The following UNC5D variants were observed in gnomAD, a reference collection of about 807,000 sequenced individuals.
UNC5D encodes the protein unc-5 netrin receptor D, also known as netrin receptor UNC5D.
A neutral mutation model predicts 105.4 loss-of-function variants in UNC5D; 39 were observed. The observed-to-expected ratio is 0.37, with a 90% CI of 0.29 to 0.48. The LOEUF (loss-of-function observed/expected upper bound fraction) is 0.48. Among genes scored for constraint, UNC5D ranks in the 20% least tolerant of loss-of-function variants. UNC5D has a pLI of 0.98. For synonymous variants in UNC5D, 452 were observed against 450.4 expected, an observed-to-expected ratio of 1.00 and a Z score of -0.04; for missense variants, 991 against 1,202.4, an observed-to-expected ratio of 0.82 and a Z score of 2.60.
intron 8 of UNC5D, among the ~76,000 whole-genome samples, chr8:35,717,542 C>T (rs551288294): frequency 5.3e-5 from 8 of 152,280 alleles, no homozygotes; most frequent in Admixed American, 1.3e-4. Context: ...TTTAGTCCTT[C>T]TCCCCAGCTT....
rs535274067 is a variant in UNC5D, at chr8:35,297,861, A to T, written c.103+61974A>T. Among the ~76,000 whole-genome samples the T allele has an allele frequency of 1.9e-4, 29 of 152,146 alleles. No individual in the cohort carries two copies. The South Asian group carries it at 6.0e-3, about 32-fold the overall frequency. On this transcript the variant is annotated intron_variant, in intron 1 of 16. Coordinates refer to ENST00000404895, the MANE Select transcript of UNC5D (RefSeq NM_080872.4). Reference sequence around the variant, plus strand: ...TTAAAAATACTAAAACCGCAAACTCACTAATTTGACAGCATTCCACGACTT... The same window carrying T: ...TTAAAAATACTAAAACCGCAAACTCTCTAATTTGACAGCATTCCACGACTT...
At chr8:35,606,134 C>T (rs1820276718) in intron 4 of UNC5D, among the ~76,000 whole-genome samples, 1 of 151,824 alleles carries the variant, frequency 6.6e-6, no homozygotes, top group Admixed American at 6.6e-5. Flanking sequence ...ATTACAGGCA[C>T]CCACCACCAT....
intron 4 of UNC5D, among the ~76,000 whole-genome samples, chr8:35,627,971 T>C (rs1821790995): frequency 6.6e-6 from 1 of 152,118 alleles, no homozygotes; most frequent in African/African-American, 2.4e-5. Flanking sequence ...CTAATGGGTT[T>C]AGATTTTTTT....
chr8:35,369,783 C>T (rs1258205232), intron 1 of UNC5D, among the ~76,000 whole-genome samples: 1 of 152,148 alleles, frequency 6.6e-6, no homozygotes, highest in East Asian at 1.9e-4. Flanking sequence ...AAAGAGCAGA[C>T]CTATGTCTCC....
chr8:35,683,795 TTAA>T, intron 5 of UNC5D, 68 bp downstream of exon 5: 1 of 1,378,360 alleles, frequency 7.3e-7, no homozygotes, highest in Non-Finnish European at 9.4e-7. Flanking sequence ...GTGTGTTTTA[TTAA>T]AACTTTCAAT....
chr8:35,398,737 A>G (rs968839524), intron 1 of UNC5D, among the ~76,000 whole-genome samples: 1 of 152,178 alleles, frequency 6.6e-6, no homozygotes, highest in African/African-American at 2.4e-5. Flanking sequence ...TACCTCTGCA[A>G]AAAAGTCTCA....
chr8:35,552,414 C>A (rs911937612), intron 2 of UNC5D, among the ~76,000 whole-genome samples: 1 of 152,172 alleles, frequency 6.6e-6, no homozygotes, highest in Non-Finnish European at 1.5e-5. Context: ...TTCTTGCTGA[C>A]ATAAGGATGG....
chr8:35,769,434 G>C (rs1801912629), intron 15 of UNC5D, among the ~76,000 whole-genome samples: 1 of 152,162 alleles, frequency 6.6e-6, no homozygotes, highest in Non-Finnish European at 1.5e-5. Flanking sequence ...CAGAAATTTT[G>C]TCTTCCAGTA....
intron 1 of UNC5D, among the ~76,000 whole-genome samples, chr8:35,442,845 A>G (rs889624813): frequency 1.4e-5 from 2 of 146,246 alleles, no homozygotes; most frequent in African/African-American, 5.1e-5. Flanking sequence ...TTAAAACTCT[A>G]TTTCTTACAC....
chr8:35,401,340 C>T lies in UNC5D; in HGVS notation c.104-147952C>T, dbSNP rs577014416. The stretch of plus-strand genomic sequence containing the variant: ...CTCTACTAAAAATATAAAAATTAGC[C>T]GGGCATAGTGGCACATGCTTGTAAT... On this transcript the variant is annotated intron_variant, in intron 1 of 16. Transcript: ENST00000404895. Among the ~76,000 whole-genome samples, 131 of 152,082 alleles carry T rather than the reference C, an allele frequency of 8.6e-4. 2 individuals carry two copies. The South Asian group carries it at 0.014, about 16-fold the overall frequency.
At chr8:35,534,371 G>A (rs1264191194) in intron 1 of UNC5D, among the ~76,000 whole-genome samples, 1 of 151,798 alleles carries the variant, frequency 6.6e-6, no homozygotes, top group Non-Finnish European at 1.5e-5. Flanking sequence ...TTCATATGTG[G>A]GTACTAAGTG....
At chr8:35,439,557 A>G (rs1433846921) in intron 1 of UNC5D, among the ~76,000 whole-genome samples, 1 of 152,040 alleles carries the variant, frequency 6.6e-6, no homozygotes, top group Non-Finnish European at 1.5e-5. Context: ...TTCTTGTTTT[A>G]GCAGAAGTCT....
chr8:35,640,394 G>A (rs748873225), intron 4 of UNC5D, among the ~76,000 whole-genome samples: 2 of 152,102 alleles, frequency 1.3e-5, no homozygotes, highest in Non-Finnish European at 2.9e-5. Context: ...CCATAATAAT[G>A]GAACTCAGAA....
At chr8:35,308,992 G>A (rs183259936) in intron 1 of UNC5D, among the ~76,000 whole-genome samples, 1 of 152,190 alleles carries the variant, frequency 6.6e-6, no homozygotes, top group Non-Finnish European at 1.5e-5. Context: ...GGCTAGATAG[G>A]GGTGGTGATT....
chr8:35,744,968 G>A (rs1257406139), intron 11 of UNC5D, among the ~76,000 whole-genome samples: 5 of 152,034 alleles, frequency 3.3e-5, no homozygotes, highest in Admixed American at 2.6e-4. Flanking sequence ...CTGTAGAATC[G>A]CTTGAACCTA....
chr8:35,674,524 T>C (rs1825064822), intron 4 of UNC5D, among the ~76,000 whole-genome samples: 1 of 152,210 alleles, frequency 6.6e-6, no homozygotes, highest in Non-Finnish European at 1.5e-5. Context: ...AGGATTAAAT[T>C]AACTAACACA....
At chr8:35,297,964 C>T (rs1180189415) in intron 1 of UNC5D, among the ~76,000 whole-genome samples, 1 of 152,148 alleles carries the variant, frequency 6.6e-6, no homozygotes, top group Non-Finnish European at 1.5e-5. Context: ...TAGTCAGTAG[C>T]ATTCCTCTCT....
chr8:35,754,862 T>C (rs891712962), intron 13 of UNC5D, among the ~76,000 whole-genome samples: 9 of 152,250 alleles, frequency 5.9e-5, no homozygotes, highest in Non-Finnish European at 1.3e-4. Context: ...TTTCTGAAGA[T>C]CTGTTCTGAT....
chr8:35,726,282 G>T lies in UNC5D; in HGVS notation c.1434G>T (p.Leu478Phe). ...LMTESSLFNPLSDIKVKVQSS... is the reference protein window; with the variant it reads ...LMTESSLFNPFSDIKVKVQSS... The stretch of plus-strand genomic sequence containing the variant: ...CAGAGTCCTCACTCTTTAACCCTTT[G>T]TCGGACATCAAAGTGAAAGTCCAGA... The change falls in exon 10 of 17, where the codon TTG (leucine) becomes TTT (phenylalanine). Residue 478 changes from leucine (L) to phenylalanine (F), a missense_variant. Physicochemically the swap from Leu to Phe is conservative, Grantham distance 22 (BLOSUM62 0). Coordinates refer to ENST00000404895, the MANE Select transcript of UNC5D (RefSeq NM_080872.4). 6.2e-7 allele frequency: 1 copy of T among 1,614,090 alleles called. No individual in the cohort carries two copies. The highest frequency in any genetic ancestry group is 8.5e-7 in the Non-Finnish European group (1 of 1,180,008).
Sources: allele counts gnomAD v4.1 joint callset (sites outside exome capture counted in the v4.1 genomes callset), GRCh38; gene constraint gnomAD v4.1.1; transcripts MANE v1.5; gene names NCBI Gene and HGNC (gene_info 2026-07-23, HGNC 2026-07-21).